The following PWWP3A variants were observed in gnomAD, a reference collection of about 807,000 sequenced individuals.
The protein encoded by PWWP3A is PWWP domain-containing DNA repair factor 3A.
A neutral mutation model predicts 79.0 loss-of-function variants in PWWP3A; 53 were observed. The observed-to-expected ratio is 0.67, with a 90% CI of 0.54 to 0.84. The LOEUF (loss-of-function observed/expected upper bound fraction) is 0.84, where lower values mean the gene tolerates loss of function less well. Among genes scored for constraint, PWWP3A ranks in the 40% least tolerant of loss-of-function variants. The pLI, the probability that PWWP3A is intolerant of heterozygous loss-of-function variation, is 0.00. For missense variants in PWWP3A, 973 were observed against 948.0 expected (o/e 1.03, Z -0.35); for synonymous variants, 443 against 394.4 (o/e 1.12, Z -1.46).
Position 1,358,041 on chromosome 19 carries a change from G to A in PWWP3A, c.144-353G>A, listed in dbSNP as rs569810149. On this transcript the variant is annotated intron_variant, in intron 3 of 13. Coordinates refer to ENST00000591337, the MANE Select transcript of PWWP3A (RefSeq NM_001369789.1). ...TAAACCAAAACACACCTGCTGGGCT[G>A]TAAACAGCTTTTAGTGACATTACCA... The A allele has an allele frequency of 1.9e-4, 44 of 236,618 alleles. No homozygotes were observed. The South Asian group carries it at 3.9e-3, about 21-fold the overall frequency. 14.7% of individuals were successfully genotyped at this position (236,618 alleles called of 1,614,324 possible).
At chr19:1,367,941 T>G (rs2082164359) in intron 9 of PWWP3A, among the ~76,000 whole-genome samples, 1 of 152,196 alleles carries the variant, frequency 6.6e-6, no homozygotes. Context: ...TTTGTTTTTT[T>G]TGAGACGGAG....
intron 9 of PWWP3A, 85 bp downstream of exon 9, chr19:1,367,305 C>T: frequency 8.3e-7 from 1 of 1,199,376 alleles, no homozygotes; most frequent in Non-Finnish European, 1.2e-6. Flanking sequence ...TCTTGAAATC[C>T]ATGGCTGCGG....
In PWWP3A at chr19:1,375,507, ATAAT is replaced by A. The variant is rs1405968625; in HGVS notation, c.2076-1011_2076-1008del. Among the ~76,000 whole-genome samples the A allele has an allele frequency of 1.0e-3, 129 of 126,030 alleles. 3 individuals carry two copies. In the South Asian group the frequency reaches 0.018, roughly 18 times the overall value. 82.7% of individuals were successfully genotyped at this position (126,030 alleles called of 152,430 possible). A position where few individuals can be genotyped will look rare whatever the true frequency, so the allele number is the denominator to read the frequency against. On this transcript the variant is annotated intron_variant, in intron 13 of 13. Transcript: ENST00000591337. ...TATATAAAATATATAAATTTTATAT[ATAAT>A]ATATAAAATCATATAATTTATATAT...
In PWWP3A at chr19:1,369,405, G is replaced by T; in HGVS notation, c.1498+65G>T. On this transcript the variant is annotated intron_variant, in intron 10 of 13. Coordinates refer to ENST00000591337, the MANE Select transcript of PWWP3A (RefSeq NM_001369789.1). This position sits in a 1 kb window ranked among gnomAD's most constrained non-coding sequence, Gnocchi z 4.0. ...GCGTCCAGCCTCTGAAGACCCCTTG[G>T]ACGGGCTGGGCCGGAGCTGCCTGGA... 6.3e-7 allele frequency: 1 copy of T among 1,577,958 alleles called. No homozygotes were observed. Among genetic ancestry groups the T allele is most frequent in the South Asian group, 1.1e-5 (1 of 90,146 alleles).
intron 6 of PWWP3A, among the ~76,000 whole-genome samples, chr19:1,363,285 T>A (rs2082060089): frequency 6.6e-6 from 1 of 152,262 alleles, no homozygotes; most frequent in Non-Finnish European, 1.5e-5. Context: ...ATTTTCCCTT[T>A]TTTTTGCCTA....
intron 7 of PWWP3A, among the ~76,000 whole-genome samples, chr19:1,365,962 C>G (rs1233760845): frequency 6.6e-6 from 1 of 152,248 alleles, no homozygotes; most frequent in Non-Finnish European, 1.5e-5. Context: ...TGCACTTCCT[C>G]CACTCACCCA....
At chr19:1,371,359 G>A (rs569612757) in intron 12 of PWWP3A, 2 of 703,624 alleles carry the variant, frequency 2.8e-6, no homozygotes, top group African/African-American at 3.5e-5. Flanking sequence ...CCTCCCTACT[G>A]CGGGCGCACA....
rs753901596 is a variant in PWWP3A, at chr19:1,360,248, T to A, written c.327T>A (p.Ser109=). The A allele has an allele frequency of 1.9e-6, 3 of 1,613,998 alleles. No individual in the cohort carries two copies. The Admixed American group carries it at 5.0e-5, about 27-fold the overall frequency. The change falls in exon 5 of 14, where the codon TCT becomes TCA. Residue 109 remains serine, a synonymous_variant. Coordinates refer to ENST00000591337, the MANE Select transcript of PWWP3A (RefSeq NM_001369789.1). The surrounding 1 kb of genome is among the most constrained non-coding windows in gnomAD (Gnocchi z 4.4). ...SEGSIWSQES[S]AGTGRADRSL... ...GCTCGATTTGGAGTCAAGAAAGCTC[T>A]GCAGGGACAGGTAGAGCTGACCGGT... is the stretch of plus-strand genomic sequence containing the variant.
At chr19:1,363,510 G>C (rs924503248) in intron 6 of PWWP3A, among the ~76,000 whole-genome samples, 1 of 152,176 alleles carries the variant, frequency 6.6e-6, no homozygotes, top group Non-Finnish European at 1.5e-5. Flanking sequence ...CAGTGCCCTC[G>C]GGAAGGGCCC....
chr19:1,358,256 T>C, intron 3 of PWWP3A, 138 bp from the exon 4 acceptor site: 1 of 723,098 alleles, frequency 1.4e-6, no homozygotes, highest in Non-Finnish European at 2.3e-6. Flanking sequence ...GAATTCCTAG[T>C]TGGCTGTGAC....
rs1444929965 is a variant in PWWP3A at position 1,376,305 on chromosome 19, TTGTTTG to T, written c.2076-212_2076-207del. ...CACGCCCGGCTGTTTGTTTTTTTTTTTGTTTGTTTTTTTTTTTTTTTGGTATTTTTT... is the reference window on the plus strand; with the variant it reads ...CACGCCCGGCTGTTTGTTTTTTTTTTTTTTTTTTTTTTTTTGGTATTTTTT... On this transcript the variant is annotated intron_variant, in intron 13 of 13. Transcript: ENST00000591337. Among the ~76,000 whole-genome samples, 22 of 97,598 alleles carry T rather than the reference TTGTTTG, an allele frequency of 2.3e-4. 2 individuals carry two copies. The highest frequency in any genetic ancestry group is 1.0e-3 in the South Asian group (3 of 2,868). 64.0% of individuals were successfully genotyped at this position (97,598 alleles called of 152,430 possible). A position where few individuals can be genotyped will look rare whatever the true frequency, so the allele number is the denominator to read the frequency against.
In PWWP3A at chr19:1,368,355, T is replaced by G. The variant is rs1206364928; in HGVS notation, c.1423-910T>G. Among the ~76,000 whole-genome samples the G allele has an allele frequency of 6.6e-6, 1 of 152,160 alleles. No homozygotes were observed. Among genetic ancestry groups the G allele is most frequent in the African/African-American group, 2.4e-5 (1 of 41,442 alleles). On this transcript the variant is annotated intron_variant, in intron 9 of 13. Transcript: ENST00000591337. This position sits in a 1 kb window ranked among gnomAD's most constrained non-coding sequence, Gnocchi z 4.7. ...GGTTCTGAGAGCACAGGGTGCCCGC[T>G]TCTTCTTCCTAAGAGTGCGCTCACA...
intron 13 of PWWP3A, among the ~76,000 whole-genome samples, chr19:1,376,092 A>C (rs998493827): frequency 6.9e-6 from 1 of 145,006 alleles, no homozygotes; most frequent in Non-Finnish European, 1.5e-5. Context: ...TACAGGCGTG[A>C]GCCAAAGTGC....
intron 3 of PWWP3A, 128 bp downstream of exon 3, chr19:1,357,222 CATTAA>C: frequency 3.1e-6 from 2 of 649,208 alleles, no homozygotes; most frequent in South Asian, 4.0e-5. Context: ...TTGTGTAATT[CATTAA>C]TGCTCATAAT....
Position 1,355,040 on chromosome 19 carries a change from A to ACGGCAGCGGTTGGCGGG in PWWP3A, c.-161_-145dup, listed in dbSNP as rs2081808802. 2 of 150,498 alleles carry ACGGCAGCGGTTGGCGGG rather than the reference A, an allele frequency of 1.3e-5. No homozygotes were observed. The highest frequency in any genetic ancestry group is 2.4e-5 in the African/African-American group (1 of 41,014). 9.3% of individuals were successfully genotyped at this position (150,498 alleles called of 1,614,324 possible). ...GAGGCGGTGAGCGCGGGCGGCGCGGACGGCAGCGGTTGGCGGGCGGGTCCT... is the reference window on the plus strand; with the variant it reads ...GAGGCGGTGAGCGCGGGCGGCGCGGACGGCAGCGGTTGGCGGGCGGCAGCGGTTGGCGGGCGGGTCCT... On this transcript the variant is annotated 5_prime_UTR_variant, in exon 1 of 14. Transcript: ENST00000591337.
chr19:1,366,190 ACCCCCAGAG>A lies in PWWP3A; in HGVS notation c.1285-113_1285-105del, dbSNP rs1568943622. 10 of 170,194 alleles carry A rather than the reference ACCCCCAGAG, an allele frequency of 5.9e-5. No individual in the cohort carries two copies. In the African/African-American group the frequency reaches 6.9e-4, roughly 12 times the overall value. The allele number at this position is 170,194 out of a possible 1,614,324, so 10.5% of individuals were successfully genotyped here. A position where few individuals can be genotyped will look rare whatever the true frequency, so the allele number is the denominator to read the frequency against. ...CCTTGCGGGAGACTTCGCTGGGGTC[ACCCCCAGAG>A]CTGGGGTCAGCGCCTGTTAGATGTA... On this transcript the variant is annotated intron_variant, in intron 7 of 13. Transcript: ENST00000591337.
Position 1,370,878 on chromosome 19 carries a change from A to G in PWWP3A, c.1786A>G (p.Arg596Gly). The G allele has an allele frequency of 6.4e-7, 1 of 1,557,938 alleles. No homozygotes were observed. The highest frequency in any genetic ancestry group is 1.4e-5 in the African/African-American group (1 of 73,550). Reference sequence around the variant, plus strand: ...CCACCTGCGGGCCATCCTAAAGAGCAGGAAGCCATCTCGCTGGCTGCAGAC... The same window carrying G: ...CCACCTGCGGGCCATCCTAAAGAGCGGGAAGCCATCTCGCTGGCTGCAGAC... ...ESHLRAILKS[R>G]KPSRWLQTFL... Residue 596 changes from arginine to glycine, a missense_variant, in exon 12 of 14, where the codon AGG becomes GGG. Transcript: ENST00000591337.
Position 1,356,458 on chromosome 19 carries a change from C to T in PWWP3A, c.57+9C>T, listed in dbSNP as rs375680433. ...GATTATGGCCTGCGAAGGTGACAGC[C>T]ATTATTCTGTAACTTCAGGACTTAG... On this transcript the variant is annotated intron_variant, in intron 2 of 13. Coordinates refer to ENST00000591337, the MANE Select transcript of PWWP3A (RefSeq NM_001369789.1). 17 of 1,613,686 alleles carry T rather than the reference C, an allele frequency of 1.1e-5. No homozygotes were observed. The African/African-American group carries it at 2.3e-4, about 22-fold the overall frequency.
chr19:1,376,368 A>T (rs1254884080), intron 13 of PWWP3A, 151 bp from the exon 14 acceptor site: 1 of 308,584 alleles, frequency 3.2e-6, no homozygotes, highest in Non-Finnish European at 6.2e-6. Flanking sequence ...GTTAGCCAGG[A>T]TGGTCCTGAT....
Sources: allele counts gnomAD v4.1 joint callset (sites outside exome capture counted in the v4.1 genomes callset), GRCh38; gene constraint gnomAD v4.1.1; non-coding constraint Gnocchi (gnomAD v3.1); transcripts MANE v1.5; gene names NCBI Gene and HGNC (gene_info 2026-07-23, HGNC 2026-07-21).